PODXL: variants seen among roughly 807,000 people sequenced by gnomAD.
The protein encoded by PODXL is podocalyxin.
In PODXL, 20 loss-of-function variants were observed where a neutral mutation model predicts 48.9. The ratio of observed to expected loss-of-function variants is 0.41; its 90% confidence interval spans 0.29 to 0.59. The LOEUF is 0.59. Among genes scored for constraint, PODXL ranks in the 20% least tolerant of loss-of-function variants. The pLI, the probability that PODXL is intolerant of heterozygous loss-of-function variation, is 0.31. For synonymous variants in PODXL, 295 were observed against 287.4 expected (o/e 1.03, Z -0.27); for missense variants, 606 against 675.1 (o/e 0.90, Z 1.13).
intron 1 of PODXL, among the ~76,000 whole-genome samples, chr7:131,530,155 C>A (rs563796434): frequency 7.2e-6 from 1 of 139,806 alleles, no homozygotes; most frequent in Non-Finnish European, 1.6e-5. Context: ...ACCCCACCCC[C>A]CCACCCCCAG....
At chr7:131,541,094 G>A (rs80273234) in intron 1 of PODXL, among the ~76,000 whole-genome samples, 5,691 of 152,240 alleles carry the variant, frequency 0.037, 329 homozygotes, top group African/African-American at 0.12. Context: ...AGCAGGGCAC[G>A]TTCCCCAGGC....
Position 131,500,948 on chromosome 7 carries a change from G to C in PODXL, c.*3363C>G, listed in dbSNP as rs1238013075. The C allele has an allele frequency of 6.6e-6, 1 of 152,088 alleles. No homozygotes were observed. The highest frequency in any genetic ancestry group is 1.5e-5 in the Non-Finnish European group (1 of 67,998). 9.4% of individuals were successfully genotyped at this position (152,088 alleles called of 1,614,324 possible). A position where few individuals can be genotyped will look rare whatever the true frequency, so the allele number is the denominator to read the frequency against. ...AGTCACTTCATCTTTGTGAGCTTCA[G>C]ATTATCTTTTTCTCTAGAAAAAGAT... On this transcript the variant is annotated 3_prime_UTR_variant, in exon 9 of 9. Transcript: ENST00000378555.
chr7:131,537,705 G>A (rs1031662027), intron 1 of PODXL, among the ~76,000 whole-genome samples: 2 of 149,972 alleles, frequency 1.3e-5, no homozygotes, highest in African/African-American at 2.5e-5. Flanking sequence ...TGGACAGCTC[G>A]TCTCAGAAGC....
intron 1 of PODXL, among the ~76,000 whole-genome samples, chr7:131,534,062 C>T (rs1798327275): frequency 6.6e-6 from 1 of 152,172 alleles, no homozygotes; most frequent in Admixed American, 6.5e-5. Flanking sequence ...CCCACCTCCC[C>T]TTACCCGTTA....
At chr7:131,546,532 C>T (rs1798578115) in intron 1 of PODXL, among the ~76,000 whole-genome samples, 1 of 151,842 alleles carries the variant, frequency 6.6e-6, no homozygotes, top group African/African-American at 2.4e-5. Flanking sequence ...TCAAGACCAG[C>T]CTGGCCAACA....
rs897057935 is a variant in PODXL, at chr7:131,504,103, A to T, written c.*208T>A. On this transcript the variant is annotated 3_prime_UTR_variant, in exon 9 of 9. Transcript: ENST00000378555. ...TCATCCAGCAGCACTGAGCTCAGGCACTAGTGGGTTATTTTACAAGAGGAA... is the reference window on the plus strand; with the variant it reads ...TCATCCAGCAGCACTGAGCTCAGGCTCTAGTGGGTTATTTTACAAGAGGAA... 2 of 588,722 alleles carry T rather than the reference A, an allele frequency of 3.4e-6. No homozygotes were observed. The highest frequency in any genetic ancestry group is 5.7e-5 in the East Asian group (2 of 35,356). The allele number at this position is 588,722 out of a possible 1,614,324, so 36.5% of individuals were successfully genotyped here.
At chr7:131,538,146 A>G (rs1798411129) in intron 1 of PODXL, among the ~76,000 whole-genome samples, 1 of 152,090 alleles carries the variant, frequency 6.6e-6, no homozygotes, top group African/African-American at 2.4e-5. Flanking sequence ...CCAGGAGACC[A>G]GCTCCTGGCC....
intron 1 of PODXL, among the ~76,000 whole-genome samples, chr7:131,552,137 GC>G (rs1019843147): frequency 6.6e-6 from 1 of 152,156 alleles, no homozygotes; most frequent in African/African-American, 2.4e-5. Context: ...GGAGCCTAAA[GC>G]CAGGGCTGAA....
In PODXL at chr7:131,504,595, G is replaced by A. The variant is rs555606149; in HGVS notation, c.1480-87C>T. ...GCATGTACGTACCCCTCCCACTCAG[G>A]AGCCCCACTGTAGCTAAAGCAGGCC... On this transcript the variant is annotated intron_variant, in intron 8 of 8. Transcript: ENST00000378555. The A allele has an allele frequency of 8.2e-6, 9 of 1,092,420 alleles. No homozygotes were observed. In the African/African-American group the frequency reaches 1.2e-4, roughly 15 times the overall value. The allele number at this position is 1,092,420 out of a possible 1,614,324, so 67.7% of individuals were successfully genotyped here. A position where few individuals can be genotyped will look rare whatever the true frequency, so the allele number is the denominator to read the frequency against.
At chr7:131,515,963 A>G (rs889079015) in intron 1 of PODXL, among the ~76,000 whole-genome samples, 3 of 152,220 alleles carry the variant, frequency 2.0e-5, no homozygotes, top group Admixed American at 6.5e-5. Flanking sequence ...GACCTAGGAG[A>G]AGGCTCACAC....
chr7:131,540,700 C>T (rs890526087), intron 1 of PODXL, among the ~76,000 whole-genome samples: 6 of 152,162 alleles, frequency 3.9e-5, no homozygotes, highest in Admixed American at 6.5e-5. Context: ...GTCTTTCCCA[C>T]GCCACCTCCG....
intron 1 of PODXL, among the ~76,000 whole-genome samples, chr7:131,521,690 T>C (rs1256677607): frequency 6.6e-6 from 1 of 152,064 alleles, no homozygotes; most frequent in Non-Finnish European, 1.5e-5. Flanking sequence ...AGTATGAAAA[T>C]GTGAAGCCCT....
chr7:131,509,101 G>A (rs1797863746), intron 4 of PODXL, 73 bp from the exon 5 acceptor site: 1 of 1,332,210 alleles, frequency 7.5e-7, no homozygotes, highest in East Asian at 2.3e-5. Context: ...CCAACTAAGG[G>A]GTGACCCAGA....
Position 131,511,027 on chromosome 7 carries a change from G to C in PODXL, c.507C>G (p.Asp169Glu). Residue 169 changes from aspartate to glutamate, a missense_variant, in exon 2 of 9, where the codon GAC becomes GAG. Asp to Glu is a conservative substitution (Grantham distance 45). Coordinates refer to ENST00000378555, the MANE Select transcript of PODXL (RefSeq NM_001018111.3). ...GGKSSHSVTTDLTSTKAEHLT... is the reference protein window; with the variant it reads ...GGKSSHSVTTELTSTKAEHLT... Reference sequence around the variant, plus strand: ...GATGTTCTGCCTTAGTGGATGTGAGGTCTGTGGTCACACTGTGGCTGCTTT... The same window carrying C: ...GATGTTCTGCCTTAGTGGATGTGAGCTCTGTGGTCACACTGTGGCTGCTTT... The C allele has an allele frequency of 6.2e-7, 1 of 1,614,126 alleles. No individual in the cohort carries two copies. The highest frequency in any genetic ancestry group is 1.1e-5 in the South Asian group (1 of 91,080).
intron 1 of PODXL, among the ~76,000 whole-genome samples, chr7:131,543,116 A>G (rs1798510422): frequency 6.6e-6 from 1 of 151,940 alleles, no homozygotes; most frequent in Non-Finnish European, 1.5e-5. Flanking sequence ...CTACTTTTTA[A>G]ACTTATTATT....
intron 1 of PODXL, among the ~76,000 whole-genome samples, chr7:131,521,770 T>C (rs959892421): frequency 3.9e-5 from 6 of 152,138 alleles, no homozygotes; most frequent in Non-Finnish European, 8.8e-5. Flanking sequence ...CAGGTGCTCA[T>C]AGGAAGCCTT....
At chr7:131,538,333 G>A (rs539879144) in intron 1 of PODXL, among the ~76,000 whole-genome samples, 5 of 152,278 alleles carry the variant, frequency 3.3e-5, no homozygotes, top group East Asian at 3.9e-4. Flanking sequence ...AGTGCTCTGC[G>A]GGGAGCCAGC....
At chr7:131,552,339 A>G (rs926617245) in intron 1 of PODXL, among the ~76,000 whole-genome samples, 5 of 152,162 alleles carry the variant, frequency 3.3e-5, no homozygotes, top group Non-Finnish European at 7.3e-5. Flanking sequence ...GGCATCTCAG[A>G]GATGATGCCT....
At chr7:131,522,555 G>A (rs1374083481) in intron 1 of PODXL, among the ~76,000 whole-genome samples, 4 of 152,208 alleles carry the variant, frequency 2.6e-5, no homozygotes, top group Non-Finnish European at 4.4e-5. Flanking sequence ...GATATTACTG[G>A]AGGACTTTGC....
Sources: gnomAD v4.1 joint callset for allele counts (sites outside exome capture counted in the v4.1 genomes callset) on GRCh38, gnomAD v4.1.1 for gene constraint, MANE v1.5 for transcripts, NCBI Gene and HGNC (gene_info 2026-07-23, HGNC 2026-07-21) for gene names.